The following FYB1 variants were observed in gnomAD, a reference collection of about 807,000 sequenced individuals.
FYB1 encodes the protein FYN binding protein 1.
In FYB1, 41 loss-of-function variants were observed where a neutral mutation model predicts 94.1. That is an observed-to-expected ratio of 0.44 (90% CI 0.34 to 0.57). The LOEUF (loss-of-function observed/expected upper bound fraction) is 0.57. FYB1 is among the 20% of genes least tolerant of loss of function. FYB1 has a pLI of 0.02. For synonymous variants in FYB1, 367 were observed against 353.2 expected (o/e 1.04, Z -0.44); for missense variants, 1,050 against 976.8 (o/e 1.07, Z -1.00).
chr5:39,155,343 G>A (rs1221996906), intron 2 of FYB1, among the ~76,000 whole-genome samples: 2 of 152,074 alleles, frequency 1.3e-5, no homozygotes, highest in South Asian at 2.1e-4. Flanking sequence ...CTGCAGACTC[G>A]AGACCCTCTA....
chr5:39,152,870 GT>G (rs1290890259), intron 3 of FYB1, among the ~76,000 whole-genome samples: 1 of 152,194 alleles, frequency 6.6e-6, no homozygotes, highest in African/African-American at 2.4e-5. Context: ...TAGCATAGTA[GT>G]TTAAAGCACA....
chr5:39,236,981 G>A (rs1463906349), intron 1 of FYB1, among the ~76,000 whole-genome samples: 3 of 152,164 alleles, frequency 2.0e-5, no homozygotes, highest in Admixed American at 6.6e-5. Context: ...ACTTCTGGAA[G>A]TTGCACAAAT....
At chr5:39,197,710 G>C (rs1436823316) in intron 2 of FYB1, among the ~76,000 whole-genome samples, 2 of 152,238 alleles carry the variant, frequency 1.3e-5, no homozygotes, top group Non-Finnish European at 2.9e-5. Context: ...CCTCTGCTTG[G>C]CTGAGTCAGA....
chr5:39,155,969 T>C (rs1426749211), intron 2 of FYB1, among the ~76,000 whole-genome samples: 1 of 152,186 alleles, frequency 6.6e-6, no homozygotes, highest in Non-Finnish European at 1.5e-5. Flanking sequence ...TCATAAATGA[T>C]TTAAAAGCTG....
chr5:39,145,466 C>G (rs1742562499), intron 3 of FYB1, among the ~76,000 whole-genome samples: 1 of 151,968 alleles, frequency 6.6e-6, no homozygotes, highest in Non-Finnish European at 1.5e-5. Context: ...TGTGAGTTGT[C>G]CAATCATTAA....
chr5:39,262,091 G>A (rs1237476749), intron 1 of FYB1, among the ~76,000 whole-genome samples: 1 of 151,894 alleles, frequency 6.6e-6, no homozygotes, highest in African/African-American at 2.4e-5. Context: ...TAAGGGGTAG[G>A]GATTAATTTC....
intron 2 of FYB1, chr5:39,170,434 T>C (rs1392608255): frequency 2.5e-5 from 11 of 435,946 alleles, no homozygotes; most frequent in Admixed American, 3.8e-5. Flanking sequence ...GCAGCAGACC[T>C]GGAGGGGGCC....
chr5:39,119,038 T>TA lies in FYB1; in HGVS notation c.2239-3dup, dbSNP rs747787634. 7,283 of 1,123,930 alleles carry TA rather than the reference T, an allele frequency of 6.5e-3. No individual in the cohort carries two copies. Among genetic ancestry groups the TA allele is most frequent in the South Asian group, 0.011 (522 of 48,494 alleles). 69.6% of individuals were successfully genotyped at this position (1,123,930 alleles called of 1,614,324 possible). On this transcript the variant is annotated splice_polypyrimidine_tract_variant and splice_region_variant and intron_variant, in intron 15 of 18. Coordinates refer to ENST00000512982, the MANE Select transcript of FYB1 (RefSeq NM_001465.6). ...TAGGACTCTAATTTCACCATCATAC[T>TA]AAAAAAAAAAGAACAATATTTAAAT...
At chr5:39,230,461 A>T (rs1399911181) in intron 1 of FYB1, among the ~76,000 whole-genome samples, 2 of 152,162 alleles carry the variant, frequency 1.3e-5, no homozygotes, top group African/African-American at 4.8e-5. Context: ...TCTGACCTCC[A>T]GAACTATAAG....
At chr5:39,270,677 G>C in intron 1 of FYB1, 1 of 1,112,112 alleles carries the variant, frequency 9.0e-7, no homozygotes, top group Non-Finnish European at 1.3e-6. Flanking sequence ...TTCCTTTTCT[G>C]AGCTGTGTGG....
intron 4 of FYB1, chr5:39,140,071 C>A (rs1026865357): frequency 6.6e-6 from 1 of 152,042 alleles, no homozygotes; most frequent in Non-Finnish European, 1.5e-5. Context: ...AAAATGAGAA[C>A]ATTTTTATTT....
At chr5:39,199,501 C>T (rs1340333829) in intron 2 of FYB1, among the ~76,000 whole-genome samples, 1 of 152,166 alleles carries the variant, frequency 6.6e-6, no homozygotes, top group East Asian at 1.9e-4. Flanking sequence ...TTAAGCTTGT[C>T]ACCCATTTAC....
intron 2 of FYB1, among the ~76,000 whole-genome samples, chr5:39,165,617 C>T (rs1179388950): frequency 6.6e-6 from 1 of 152,138 alleles, no homozygotes; most frequent in Admixed American, 6.5e-5. Flanking sequence ...GCAAATACAA[C>T]AAAACCAAAA....
At chr5:39,170,169 C>A in intron 2 of FYB1, 2 of 779,264 alleles carry the variant, frequency 2.6e-6, no homozygotes, top group South Asian at 2.8e-5. Flanking sequence ...TCTGATATGT[C>A]AAATCTGTAT....
At chr5:39,235,304 G>A (rs1028337457) in intron 1 of FYB1, among the ~76,000 whole-genome samples, 5 of 151,648 alleles carry the variant, frequency 3.3e-5, no homozygotes, top group South Asian at 2.1e-4. Flanking sequence ...GTCAGTGCAG[G>A]ATCTTAAAAA....
chr5:39,129,170 C>A lies in FYB1; in HGVS notation c.1841-1363G>T, dbSNP rs541201331. Among the ~76,000 whole-genome samples, 3 of 152,034 alleles carry A rather than the reference C, an allele frequency of 2.0e-5. No homozygotes were observed. The East Asian group carries it at 5.8e-4, about 29-fold the overall frequency. ...AATAAAGTCACATATTTATAGCCAA[C>A]TGATTTTAGAAAAAGGCACCAAGAA... On this transcript the variant is annotated intron_variant, in intron 10 of 18. Coordinates refer to ENST00000512982, the MANE Select transcript of FYB1 (RefSeq NM_001465.6).
intron 1 of FYB1, chr5:39,270,849 T>A (rs927683442): frequency 5.0e-6 from 2 of 397,978 alleles, no homozygotes; most frequent in Non-Finnish European, 8.9e-6. Flanking sequence ...GACACAAAAT[T>A]TTTTAGAAGT....
chr5:39,153,437 C>A lies in FYB1; in HGVS notation c.1292+11G>T. On this transcript the variant is annotated intron_variant, in intron 3 of 18. Coordinates refer to ENST00000512982, the MANE Select transcript of FYB1 (RefSeq NM_001465.6). ...ACTAGGAAAGAAATCGCAAGATAATCTTTTGCTTACTTTAGGTCAAACGGA... is the reference window on the plus strand; with the variant it reads ...ACTAGGAAAGAAATCGCAAGATAATATTTTGCTTACTTTAGGTCAAACGGA... 6.2e-7 allele frequency: 1 copy of A among 1,612,936 alleles called. No individual in the cohort carries two copies. The highest frequency in any genetic ancestry group is 8.5e-7 in the Non-Finnish European group (1 of 1,179,162).
intron 2 of FYB1, among the ~76,000 whole-genome samples, chr5:39,195,728 T>C (rs59894641): frequency 0.064 from 9,776 of 152,212 alleles, 1,016 homozygotes; most frequent in African/African-American, 0.22. Context: ...TCCCAGCAGG[T>C]TTTTACTAAA....
Sources: allele counts gnomAD v4.1 joint callset (sites outside exome capture counted in the v4.1 genomes callset), GRCh38; gene constraint gnomAD v4.1.1; transcripts MANE v1.5; gene names NCBI Gene and HGNC (gene_info 2026-07-23, HGNC 2026-07-21).